Variants in XYLT1 observed in about 807,000 individuals in gnomAD.
XYLT1 encodes xylosyltransferase 1.
A neutral mutation model predicts 91.3 loss-of-function variants in XYLT1; 36 were observed. The observed-to-expected ratio is 0.39, with a 90% confidence interval of 0.30 to 0.52. The LOEUF (loss-of-function observed/expected upper bound fraction) is 0.52, where lower values mean the gene tolerates loss of function less well. XYLT1 is among the 20% of genes least tolerant of loss of function. The pLI, the probability that XYLT1 is intolerant of heterozygous loss-of-function variation, is 0.68. For synonymous variants in XYLT1, 588 were observed against 532.0 expected, an observed-to-expected ratio of 1.11 and a Z score of -1.45; for missense variants, 1,242 against 1,284.5, an observed-to-expected ratio of 0.97 and a Z score of 0.51.
chr16:17,338,609 G>C (rs534818350), intron 2 of XYLT1: 1 of 412,536 alleles, frequency 2.4e-6, no homozygotes, highest in Admixed American at 2.7e-5. Context: ...CTGGTCATTC[G>C]TGGCCTGCTC....
At chr16:17,469,482 G>A (rs1157429910) in intron 1 of XYLT1, among the ~76,000 whole-genome samples, 1 of 152,222 alleles carries the variant, frequency 6.6e-6, no homozygotes, top group Non-Finnish European at 1.5e-5. Flanking sequence ...TAGCTCAGTA[G>A]GCTGGGCAAG....
At chr16:17,146,449 A>G (rs921856091) in intron 6 of XYLT1, among the ~76,000 whole-genome samples, 9 of 152,184 alleles carry the variant, frequency 5.9e-5, no homozygotes, top group African/African-American at 2.2e-4. Flanking sequence ...GGTAAAATAC[A>G]AAGTTGGTCT....
At chr16:17,404,221 T>C (rs1431448980) in intron 1 of XYLT1, among the ~76,000 whole-genome samples, 1 of 152,142 alleles carries the variant, frequency 6.6e-6, no homozygotes, top group African/African-American at 2.4e-5. Flanking sequence ...GAGCAGCCCC[T>C]GATGAAACCA....
chr16:17,177,690 T>C (rs759420274), intron 5 of XYLT1, among the ~76,000 whole-genome samples: 34 of 152,144 alleles, frequency 2.2e-4, no homozygotes, highest in Non-Finnish European at 1.5e-4. Flanking sequence ...TGAATTAACA[T>C]TGCAACCTGA....
At chr16:17,461,079 C>T (rs1229704612) in intron 1 of XYLT1, among the ~76,000 whole-genome samples, 1 of 152,234 alleles carries the variant, frequency 6.6e-6, no homozygotes, top group African/African-American at 2.4e-5. Context: ...CTCAACATCA[C>T]ACGACCTGCC....
chr16:17,318,713 C>G (rs1222108999), intron 2 of XYLT1, among the ~76,000 whole-genome samples: 2 of 151,926 alleles, frequency 1.3e-5, no homozygotes, highest in African/African-American at 2.4e-5. Context: ...CAGAGAAAAA[C>G]CAGAAAACTA....
intron 1 of XYLT1, among the ~76,000 whole-genome samples, chr16:17,415,835 G>A (rs2036173709): frequency 6.6e-6 from 1 of 152,198 alleles, no homozygotes; most frequent in Non-Finnish European, 1.5e-5. Flanking sequence ...CACACGGGAA[G>A]TGTTGAATAA....
chr16:17,416,144 C>T (rs115174999), intron 1 of XYLT1, among the ~76,000 whole-genome samples: 2,423 of 152,310 alleles, frequency 0.016, 66 homozygotes, highest in African/African-American at 0.056. Flanking sequence ...TGTTTAGTGG[C>T]ACCCCTGGTC....
chr16:17,127,598 T>G (rs761699469), intron 10 of XYLT1, 68 bp downstream of exon 10: 38 of 1,515,438 alleles, frequency 2.5e-5, no homozygotes, highest in Non-Finnish European at 3.4e-5. Flanking sequence ...AAGTGTCAGA[T>G]AGTGGAGTAG....
chr16:17,284,946 G>A (rs2034112954), intron 2 of XYLT1, among the ~76,000 whole-genome samples: 2 of 152,132 alleles, frequency 1.3e-5, no homozygotes, highest in South Asian at 2.1e-4. Flanking sequence ...AGAGAAGTCC[G>A]TATCTCATTC....
intron 11 of XYLT1, among the ~76,000 whole-genome samples, chr16:17,116,980 CTTT>C (rs905383693): frequency 6.6e-6 from 1 of 151,204 alleles, no homozygotes; most frequent in Non-Finnish European, 1.5e-5. Flanking sequence ...GGTTGGTGGT[CTTT>C]TTTTTTGTAA....
At chr16:17,135,959 T>C (rs1287388009) in intron 8 of XYLT1, among the ~76,000 whole-genome samples, 1 of 152,252 alleles carries the variant, frequency 6.6e-6, no homozygotes, top group Admixed American at 6.5e-5. Flanking sequence ...TAGAGTTTGC[T>C]GACCCCTTGT....
intron 6 of XYLT1, among the ~76,000 whole-genome samples, chr16:17,154,030 A>T (rs1211862735): frequency 6.6e-6 from 1 of 152,190 alleles, no homozygotes; most frequent in African/African-American, 2.4e-5. Context: ...AGCGACTCTC[A>T]AACCTCAGCT....
At chr16:17,357,580 G>T (rs1322080466) in intron 2 of XYLT1, among the ~76,000 whole-genome samples, 1 of 152,202 alleles carries the variant, frequency 6.6e-6, no homozygotes, top group African/African-American at 2.4e-5. Flanking sequence ...ATGAAAGGGT[G>T]CAACTTCCTT....
At chr16:17,230,295 T>C (rs2033138772) in intron 3 of XYLT1, among the ~76,000 whole-genome samples, 2 of 152,132 alleles carry the variant, frequency 1.3e-5, no homozygotes, top group African/African-American at 4.8e-5. Context: ...GATCACAGGA[T>C]CATGCTCTTG....
chr16:17,140,657 TCAAAAAA>T (rs2030942872), intron 7 of XYLT1, among the ~76,000 whole-genome samples: 1 of 28,964 alleles, frequency 3.5e-5, no homozygotes, highest in Admixed American at 6.8e-4. Flanking sequence ...GAAGACTGTC[TCAAAAAA>T]AAAAAAAAAA....
intron 2 of XYLT1, among the ~76,000 whole-genome samples, chr16:17,282,616 C>G (rs531638112): frequency 2.6e-5 from 4 of 152,254 alleles, no homozygotes; most frequent in African/African-American, 9.6e-5. Flanking sequence ...CACTGGGAAC[C>G]CCCAGCTTGG....
chr16:17,430,055 GC>G (rs1477827943), intron 1 of XYLT1, among the ~76,000 whole-genome samples: 1 of 150,548 alleles, frequency 6.6e-6, no homozygotes. Flanking sequence ...TCCTGCCTCA[GC>G]CCCCCAAGTA....
chr16:17,257,470 G>A (rs1425044560), intron 3 of XYLT1, among the ~76,000 whole-genome samples: 3 of 152,144 alleles, frequency 2.0e-5, no homozygotes, highest in Admixed American at 6.5e-5. Context: ...CTGAGCAAAC[G>A]AATTCACAAA....
Sources: allele counts gnomAD v4.1 joint callset (sites outside exome capture counted in the v4.1 genomes callset), GRCh38; gene constraint gnomAD v4.1.1; transcripts MANE v1.5; gene names NCBI Gene and HGNC (gene_info 2026-07-23, HGNC 2026-07-21).